Variants in PPP1R17 observed in about 807,000 individuals in gnomAD.
The protein encoded by PPP1R17 is G-substrate.
In PPP1R17, 12 loss-of-function variants were observed where a neutral mutation model predicts 15.9. The observed-to-expected ratio is 0.75, with a 90% CI of 0.48 to 1.22. The LOEUF is 1.22. Among genes scored for constraint, PPP1R17 ranks in the 50% most tolerant of loss-of-function variants. PPP1R17 has a pLI of 0.00. For missense variants in PPP1R17, 211 were observed against 187.3 expected, an observed-to-expected ratio of 1.13 and a Z score of -0.74; for synonymous variants, 63 against 64.5, an observed-to-expected ratio of 0.98 and a Z score of 0.11.
intron 1 of PPP1R17, among the ~76,000 whole-genome samples, chr7:31,690,143 C>T (rs1003456290): frequency 6.6e-6 from 1 of 152,240 alleles, no homozygotes; most frequent in Non-Finnish European, 1.5e-5. Flanking sequence ...CAGAGGAGGC[C>T]TGGACCTCCC....
chr7:31,692,660 C>T (rs941160479), intron 2 of PPP1R17, 137 bp downstream of exon 2: 2 of 729,414 alleles, frequency 2.7e-6, no homozygotes, highest in African/African-American at 3.5e-5. Flanking sequence ...ACAGCCAACA[C>T]CAGATGGGCA....
At chr7:31,694,387 A>AACACACACAC (rs533091870) in intron 2 of PPP1R17, among the ~76,000 whole-genome samples, 2,008 of 141,646 alleles carry the variant, frequency 0.014, 35 homozygotes, top group African/African-American at 0.033. Flanking sequence ...CTCTCTCTCA[A>AACACACACAC]ACACACACAC....
At chr7:31,702,167 G>C (rs1792875613) in intron 4 of PPP1R17, among the ~76,000 whole-genome samples, 1 of 151,234 alleles carries the variant, frequency 6.6e-6, no homozygotes, top group Admixed American at 6.6e-5. Context: ...TTCTGCCTTA[G>C]AATTGTGATA....
intron 4 of PPP1R17, among the ~76,000 whole-genome samples, chr7:31,702,235 T>G (rs1203135028): frequency 6.6e-6 from 1 of 151,664 alleles, no homozygotes; most frequent in East Asian, 1.9e-4. Context: ...ACCAATAGAT[T>G]GTTGTTCCCA....
chr7:31,705,598 C>T (rs1441723337), intron 4 of PPP1R17, among the ~76,000 whole-genome samples: 1 of 152,114 alleles, frequency 6.6e-6, no homozygotes, highest in Non-Finnish European at 1.5e-5. Flanking sequence ...GGAACTGAAA[C>T]AAATGAATAG....
At chr7:31,702,371 G>A (rs960653721) in intron 4 of PPP1R17, among the ~76,000 whole-genome samples, 2 of 152,060 alleles carry the variant, frequency 1.3e-5, no homozygotes, top group African/African-American at 4.8e-5. Flanking sequence ...CAAGGACCGG[G>A]GGAGGCTCTG....
intron 4 of PPP1R17, among the ~76,000 whole-genome samples, chr7:31,698,272 C>A (rs1349912908): frequency 6.6e-6 from 1 of 152,120 alleles, no homozygotes; most frequent in Non-Finnish European, 1.5e-5. Context: ...GCTTAAGATC[C>A]CCAGCCACAT....
intron 1 of PPP1R17, among the ~76,000 whole-genome samples, chr7:31,690,385 G>A (rs1191412566): frequency 1.3e-5 from 2 of 152,184 alleles, no homozygotes; most frequent in African/African-American, 4.8e-5. Flanking sequence ...GGAAACTCAG[G>A]GTAAGCTCGG....
chr7:31,702,966 A>T (rs190165611), intron 4 of PPP1R17, among the ~76,000 whole-genome samples: 1 of 152,312 alleles, frequency 6.6e-6, no homozygotes, highest in Admixed American at 6.5e-5. Context: ...GAAATTGAAC[A>T]TGGTCTTTGG....
intron 1 of PPP1R17, among the ~76,000 whole-genome samples, chr7:31,689,294 A>G (rs574819357): frequency 6.6e-6 from 1 of 152,296 alleles, no homozygotes; most frequent in South Asian, 2.1e-4. Context: ...AACACCCCCA[A>G]ATGTGAAGTA....
At chr7:31,704,101 A>T (rs1792968469) in intron 4 of PPP1R17, among the ~76,000 whole-genome samples, 1 of 152,190 alleles carries the variant, frequency 6.6e-6, no homozygotes, top group Admixed American at 6.5e-5. Context: ...ATCAAAGAGA[A>T]TCCTCCTGGA....
At position 31,707,396 on chromosome 7, in the gene PPP1R17, T is replaced by C. The variant is rs1454558638; in HGVS notation, c.*113T>C. ...TTTTTGTCATCGTCTGACTTGAAGA[T>C]TCAGACACCTTCTCCCCAGGAGATG... On this transcript the variant is annotated 3_prime_UTR_variant, in exon 5 of 5. Transcript: ENST00000342032. 26 of 810,952 alleles carry C rather than the reference T, an allele frequency of 3.2e-5. 1 individual carries two copies. The highest frequency in any genetic ancestry group is 4.7e-5 in the Non-Finnish European group (24 of 515,144). 50.2% of individuals were successfully genotyped at this position (810,952 alleles called of 1,614,324 possible). A position where few individuals can be genotyped will look rare whatever the true frequency, so the allele number is the denominator to read the frequency against.
intron 1 of PPP1R17, among the ~76,000 whole-genome samples, chr7:31,687,560 T>C (rs35469495): frequency 6.6e-6 from 1 of 152,206 alleles, no homozygotes; most frequent in Non-Finnish European, 1.5e-5. Context: ...AGTTGGTGTA[T>C]CTGCATATTC....
intron 4 of PPP1R17, among the ~76,000 whole-genome samples, chr7:31,703,703 G>T (rs374650427): frequency 1.3e-5 from 2 of 152,160 alleles, no homozygotes; most frequent in African/African-American, 2.4e-5. Context: ...TTCTAATAAG[G>T]GTGTTGAGAG....
intron 2 of PPP1R17, among the ~76,000 whole-genome samples, chr7:31,694,861 A>T (rs1382277660): frequency 6.6e-6 from 1 of 152,170 alleles, no homozygotes. Context: ...GAGGATTGAG[A>T]AAAGTAAATA....
intron 4 of PPP1R17, among the ~76,000 whole-genome samples, chr7:31,699,544 G>A (rs1013116658): frequency 6.6e-6 from 1 of 152,100 alleles, no homozygotes; most frequent in Non-Finnish European, 1.5e-5. Flanking sequence ...ATTGTTACAT[G>A]GTGATATTTC....
chr7:31,690,087 G>A (rs1792276829), intron 1 of PPP1R17, among the ~76,000 whole-genome samples: 1 of 152,236 alleles, frequency 6.6e-6, no homozygotes, highest in African/African-American at 2.4e-5. Flanking sequence ...ATCGGCCAGA[G>A]ACAGGCTTTC....
At chr7:31,705,012 T>G (rs561288684) in intron 4 of PPP1R17, among the ~76,000 whole-genome samples, 39 of 152,282 alleles carry the variant, frequency 2.6e-4, no homozygotes, top group African/African-American at 9.1e-4. Context: ...AATCAAGATT[T>G]CTATGAGCTA....
intron 4 of PPP1R17, among the ~76,000 whole-genome samples, chr7:31,698,549 A>G (rs1650528468): frequency 6.6e-6 from 1 of 152,226 alleles, no homozygotes; most frequent in Non-Finnish European, 1.5e-5. Context: ...GAGATCATGC[A>G]CATGTGCTAA....
Sources: allele counts gnomAD v4.1 joint callset (sites outside exome capture counted in the v4.1 genomes callset), GRCh38; gene constraint gnomAD v4.1.1; transcripts MANE v1.5; gene names NCBI Gene and HGNC (gene_info 2026-07-23, HGNC 2026-07-21).